Variants in TAFA2 observed in about 807,000 individuals in gnomAD.
TAFA2 encodes TAFA chemokine like family member 2.
A neutral mutation model predicts 18.8 loss-of-function variants in TAFA2; 7 were observed. That is an observed-to-expected ratio of 0.37 (90% CI 0.21 to 0.70). The LOEUF is 0.70. TAFA2 is among the 30% of genes least tolerant of loss of function. TAFA2 has a pLI of 0.53. For synonymous variants in TAFA2, 60 were observed against 54.2 expected, an observed-to-expected ratio of 1.11 and a Z score of -0.47; for missense variants, 122 against 158.1, an observed-to-expected ratio of 0.77 and a Z score of 1.23.
rs548525246 is a variant in TAFA2 at position 62,181,999 on chromosome 12, C to CT, written c.-2+9259_-2+9260insA. ...TCTTTTCTCAAGTCCATCCCCCCCC[C>CT]GCTACACATAGTAGCTACTCAAGTA... On this transcript the variant is annotated intron_variant, in intron 1 of 4. Transcript: ENST00000416284. Among the ~76,000 whole-genome samples, 525 of 150,404 alleles carry CT rather than the reference C, an allele frequency of 3.5e-3. 3 individuals carry two copies. Among genetic ancestry groups the CT allele is most frequent in the Admixed American group, 5.1e-3 (77 of 15,110 alleles).
intron 4 of TAFA2, chr12:61,720,831 T>A (rs1401434858): frequency 2.1e-6 from 1 of 486,096 alleles, no homozygotes; most frequent in Non-Finnish European, 4.1e-6. Flanking sequence ...CAAAACTTTT[T>A]TGAGTGTGGA....
chr12:62,127,460 T>C (rs1353876306), intron 1 of TAFA2, among the ~76,000 whole-genome samples: 1 of 152,108 alleles, frequency 6.6e-6, no homozygotes, highest in African/African-American at 2.4e-5. Context: ...TTGCTATCTT[T>C]TTTCTGTGAA....
chr12:62,101,074 A>C (rs1869179866), intron 1 of TAFA2, among the ~76,000 whole-genome samples: 1 of 151,800 alleles, frequency 6.6e-6, no homozygotes, highest in Non-Finnish European at 1.5e-5. Flanking sequence ...AGAATGCAGA[A>C]ATGGCCTAGG....
intron 1 of TAFA2, among the ~76,000 whole-genome samples, chr12:62,189,940 T>TTGTGTGTG (rs10643306): frequency 0.16 from 22,947 of 141,782 alleles, 1,936 homozygotes; most frequent in Middle Eastern, 0.2. Flanking sequence ...TGAGTTTGCT[T>TTGTGTGTG]TGTGTGTGTG....
intron 4 of TAFA2, among the ~76,000 whole-genome samples, chr12:61,726,681 A>T (rs1368525286): frequency 6.6e-6 from 1 of 152,102 alleles, no homozygotes; most frequent in African/African-American, 2.4e-5. Context: ...ACCAGTGAAC[A>T]GTGACAGTTT....
intron 1 of TAFA2, among the ~76,000 whole-genome samples, chr12:62,147,955 G>GA (rs1208611471): frequency 1.3e-5 from 2 of 151,960 alleles, no homozygotes; most frequent in Admixed American, 6.6e-5. Flanking sequence ...CGAACATATG[G>GA]AAAAAAATGT....
At chr12:62,199,935 A>G (rs2062664205) in intron 1 of TAFA2, among the ~76,000 whole-genome samples, 1 of 152,148 alleles carries the variant, frequency 6.6e-6, no homozygotes, top group Non-Finnish European at 1.5e-5. Context: ...TTGCTTTTTA[A>G]TAAACACTAT....
At position 61,749,995 on chromosome 12, in the gene TAFA2, A is replaced by C. The variant is rs571838298; in HGVS notation, c.384+3627T>G. Among the ~76,000 whole-genome samples the C allele has an allele frequency of 1.2e-3, 169 of 145,716 alleles. 6 individuals carry two copies. The highest frequency in any genetic ancestry group is 6.6e-3 in the South Asian group (31 of 4,728). On this transcript the variant is annotated intron_variant, in intron 4 of 4. Coordinates refer to ENST00000416284, the MANE Select transcript of TAFA2 (RefSeq NM_178539.5). Reference sequence around the variant, plus strand: ...CGAAGAAAGAATATCAAAACACCCCACACACACACACACACACACAGAATC... The same window carrying C: ...CGAAGAAAGAATATCAAAACACCCCCCACACACACACACACACACAGAATC...
At position 62,101,187 on chromosome 12, in the gene TAFA2, A is replaced by C. The variant is rs1005069486; in HGVS notation, c.-2+90072T>G. 3.3e-5 allele frequency among the ~76,000 whole-genome samples: 5 copies of C among 152,262 alleles called. No homozygotes were observed. The South Asian group carries it at 1.0e-3, about 32-fold the overall frequency. On this transcript the variant is annotated intron_variant, in intron 1 of 4. Transcript: ENST00000416284. ...GATCCTAAGAGACCCCTCAAATATAAGAACAGCTCCATAGATTAGATTATG... is the reference window on the plus strand; with the variant it reads ...GATCCTAAGAGACCCCTCAAATATACGAACAGCTCCATAGATTAGATTATG...
intron 1 of TAFA2, chr12:62,234,301 A>C: frequency 2.3e-6 from 1 of 428,388 alleles, no homozygotes; most frequent in Non-Finnish European, 4.5e-6. Flanking sequence ...CATTTGCTGA[A>C]TGAATATAGA....
At chr12:61,894,189 A>C (rs1875746836) in intron 1 of TAFA2, among the ~76,000 whole-genome samples, 1 of 152,252 alleles carries the variant, frequency 6.6e-6, no homozygotes, top group South Asian at 2.1e-4. Context: ...GGGAAGTATA[A>C]AATAGTTACA....
At chr12:61,846,012 G>A (rs933253422) in intron 2 of TAFA2, among the ~76,000 whole-genome samples, 1 of 152,058 alleles carries the variant, frequency 6.6e-6, no homozygotes, top group Non-Finnish European at 1.5e-5. Context: ...ATTCAGCTTT[G>A]CACAATGGTA....
At chr12:61,784,697 T>A (rs1327792443) in intron 2 of TAFA2, among the ~76,000 whole-genome samples, 1 of 37,324 alleles carries the variant, frequency 2.7e-5, no homozygotes, top group Non-Finnish European at 5.2e-5. Flanking sequence ...CTCCCTCCCA[T>A]TTTTCAAAAA....
At chr12:62,227,996 T>C in intron 1 of TAFA2, among the ~76,000 whole-genome samples, 1 of 152,220 alleles carries the variant, frequency 6.6e-6, no homozygotes, top group Non-Finnish European at 1.5e-5. Context: ...TGCCATGTTG[T>C]TTTGGTTACT....
chr12:62,039,434 C>T (rs1403024906), intron 1 of TAFA2, among the ~76,000 whole-genome samples: 1 of 152,110 alleles, frequency 6.6e-6, no homozygotes, highest in African/African-American at 2.4e-5. Context: ...CTATGCATAA[C>T]ATATTTCCTC....
intron 2 of TAFA2, among the ~76,000 whole-genome samples, chr12:61,781,728 T>C (rs1870512678): frequency 6.6e-6 from 1 of 151,632 alleles, no homozygotes; most frequent in African/African-American, 2.4e-5. Context: ...TTAATGAATC[T>C]TACAGAAAAA....
chr12:62,153,282 G>A (rs182350019), intron 1 of TAFA2, among the ~76,000 whole-genome samples: 1 of 152,106 alleles, frequency 6.6e-6, no homozygotes, highest in African/African-American at 2.4e-5. Flanking sequence ...ACAAGAAGTG[G>A]AACATTATTC....
At chr12:62,082,927 A>G (rs539591280) in intron 1 of TAFA2, among the ~76,000 whole-genome samples, 1 of 152,282 alleles carries the variant, frequency 6.6e-6, no homozygotes, top group South Asian at 2.1e-4. Context: ...TTTTTTTTCC[A>G]TTTAATCCTT....
intron 1 of TAFA2, among the ~76,000 whole-genome samples, chr12:62,151,385 G>A (rs537777627): frequency 1.3e-5 from 2 of 152,350 alleles, no homozygotes; most frequent in African/African-American, 4.8e-5. Context: ...CACAGAGGAA[G>A]CTAGTGTTCC....
Sources: allele counts gnomAD v4.1 joint callset (sites outside exome capture counted in the v4.1 genomes callset), GRCh38; gene constraint gnomAD v4.1.1; transcripts MANE v1.5; gene names NCBI Gene and HGNC (gene_info 2026-07-23, HGNC 2026-07-21).